Variants in DNAJC10 observed in about 807,000 individuals in gnomAD.
DNAJC10 encodes DnaJ heat shock protein family (Hsp40) member C10.
In DNAJC10, 101 loss-of-function variants were observed where a neutral mutation model predicts 115.0. The observed-to-expected ratio is 0.88, with a 90% CI of 0.75 to 1.04. DNAJC10 has a LOEUF of 1.04. Among genes scored for constraint, DNAJC10 ranks in the 50% least tolerant of loss-of-function variants. The pLI, the probability that DNAJC10 is intolerant of heterozygous loss-of-function variation, is 0.00. For synonymous variants in DNAJC10, 307 were observed against 301.5 expected (o/e 1.02, Z -0.19); for missense variants, 981 against 928.8 (o/e 1.06, Z -0.73).
intron 2 of DNAJC10, among the ~76,000 whole-genome samples, 199 bp downstream of exon 2, chr2:182,717,271 G>A (rs1356130076): frequency 2.0e-5 from 3 of 152,028 alleles, no homozygotes; most frequent in Non-Finnish European, 2.9e-5. Context: ...CTCTTTTTGT[G>A]TTTTGTTTCT....
At chr2:182,732,454 G>C in intron 9 of DNAJC10, 45 bp from the exon 10 acceptor site, 1 of 1,596,354 alleles carries the variant, frequency 6.3e-7, no homozygotes, top group African/African-American at 1.3e-5. Flanking sequence ...TTTTCATCAG[G>C]CTTAATAAAG....
intron 12 of DNAJC10, 94 bp downstream of exon 12, chr2:182,740,482 T>G (rs1426980982): frequency 4.7e-5 from 56 of 1,198,360 alleles, no homozygotes; most frequent in Non-Finnish European, 6.2e-5. Context: ...TATTCATCTC[T>G]AGAGAGAATT....
At chr2:182,754,724 G>A (rs745605890) in intron 16 of DNAJC10, 28 of 1,121,816 alleles carry the variant, frequency 2.5e-5, no homozygotes, top group Non-Finnish European at 3.1e-5. Context: ...GGGACCATTC[G>A]TATAATTACC....
At chr2:182,762,933 A>G in intron 22 of DNAJC10, 132 bp downstream of exon 22, 1 of 1,058,552 alleles carries the variant, frequency 9.4e-7, no homozygotes, top group East Asian at 2.9e-5. Context: ...TTACTGATAC[A>G]AGTTTTTAAA....
chr2:182,782,449 C>T lies in DNAJC10; in HGVS notation c.*5317C>T, dbSNP rs1694870782. ...AAATTTAAAGTAGTTTTTTCCAATT[C>T]TGTGAAGAAAGTCAATGGTAGCTTG... is the stretch of plus-strand genomic sequence containing the variant. On this transcript the variant is annotated 3_prime_UTR_variant, in exon 24 of 24. Transcript: ENST00000264065. The T allele has an allele frequency of 1.3e-5, 2 of 151,502 alleles. No individual in the cohort carries two copies. The highest frequency in any genetic ancestry group is 4.9e-5 in the African/African-American group (2 of 41,200). 9.4% of individuals were successfully genotyped at this position (151,502 alleles called of 1,614,324 possible). A position where few individuals can be genotyped will look rare whatever the true frequency, so the allele number is the denominator to read the frequency against.
rs1693791247 is a variant in DNAJC10, at chr2:182,743,595, T to C, written c.1192-3T>C. On this transcript the variant is annotated splice_polypyrimidine_tract_variant and splice_region_variant and intron_variant, in intron 13 of 23. Transcript: ENST00000264065. ...TATCAAATTTGACCTTTTTCTCCTT[T>C]AGGTTGGCAGGTTTGACTGTTCCTC... 6.2e-7 allele frequency: 1 copy of C among 1,605,406 alleles called. No individual in the cohort carries two copies. The highest frequency in any genetic ancestry group is 8.5e-7 in the Non-Finnish European group (1 of 1,172,898).
In DNAJC10 at chr2:182,791,233, C is replaced by G. The variant is rs1464947118; in HGVS notation, c.*14101C>G. 3 of 152,046 alleles carry G rather than the reference C, an allele frequency of 2.0e-5. No individual in the cohort carries two copies. 9.4% of individuals were successfully genotyped at this position (152,046 alleles called of 1,614,324 possible). A position where few individuals can be genotyped will look rare whatever the true frequency, so the allele number is the denominator to read the frequency against. ...ACTCTAGAGCTTAGTTTTCAGTCCT[C>G]CTGAATCATAACTAGTTGGCAACAA... is the stretch of plus-strand genomic sequence containing the variant. On this transcript the variant is annotated 3_prime_UTR_variant, in exon 24 of 24. Transcript: ENST00000264065.
At chr2:182,723,083 A>G (rs1693195760) in intron 5 of DNAJC10, among the ~76,000 whole-genome samples, 1 of 114,960 alleles carries the variant, frequency 8.7e-6, no homozygotes, top group African/African-American at 3.5e-5. Context: ...TTTGTCACCC[A>G]GACCAGTGTG....
intron 22 of DNAJC10, among the ~76,000 whole-genome samples, chr2:182,771,255 C>T (rs867271827): frequency 5.2e-4 from 79 of 150,840 alleles, no homozygotes; most frequent in African/African-American, 1.7e-3. Flanking sequence ...ATTTTCACAT[C>T]GATGTTCATC....
intron 9 of DNAJC10, among the ~76,000 whole-genome samples, chr2:182,731,339 T>C (rs568955817): frequency 5.3e-5 from 8 of 152,260 alleles, no homozygotes; most frequent in African/African-American, 1.9e-4. Flanking sequence ...GACCAGTTTT[T>C]CAGCTTAGAC....
chr2:182,742,492 A>G (rs894113854), intron 13 of DNAJC10, among the ~76,000 whole-genome samples: 1 of 152,096 alleles, frequency 6.6e-6, no homozygotes, highest in Admixed American at 6.5e-5. Flanking sequence ...ACCTGGCCAC[A>G]TGGGAAATTT....
At chr2:182,757,883 C>A in intron 19 of DNAJC10, 58 bp downstream of exon 19, 1 of 1,012,498 alleles carries the variant, frequency 9.9e-7, no homozygotes. Flanking sequence ...ATACACTTAA[C>A]AGTTAAGTTA....
At chr2:182,775,253 C>A in intron 22 of DNAJC10, 63 bp from the exon 23 acceptor site, 1 of 1,046,006 alleles carries the variant, frequency 9.6e-7, no homozygotes, top group Non-Finnish European at 1.4e-6. Context: ...AATCAAGTTT[C>A]TTAGGTGGAA....
At chr2:182,739,010 A>G (rs537333046) in intron 11 of DNAJC10, among the ~76,000 whole-genome samples, 64 of 152,066 alleles carry the variant, frequency 4.2e-4, no homozygotes, top group Middle Eastern at 6.8e-3. Context: ...GCAAGTTTAT[A>G]TAGGCTGTGT....
At chr2:182,773,357 T>C (rs1694617256) in intron 22 of DNAJC10, among the ~76,000 whole-genome samples, 1 of 152,172 alleles carries the variant, frequency 6.6e-6, no homozygotes, top group African/African-American at 2.4e-5. Context: ...TCTCTGTATT[T>C]CCTGAATTTG....
rs1694192517 is a variant in DNAJC10, at chr2:182,757,719, A to G, written c.1837A>G (p.Ser613Gly). The G allele has an allele frequency of 6.3e-7, 1 of 1,595,654 alleles. No individual in the cohort carries two copies. ...ATTAACTGGACTGATCAACGTGGGC[A>G]GTATAGATTGCCAACAGTATCATTC... ...RTLTGLINVG[S>G]IDCQQYHSFC... The change falls in exon 19 of 24, where the codon AGT becomes GGT. Residue 613 changes from serine (S) to glycine (G), a missense_variant. Physicochemically the swap from Ser to Gly is moderately conservative, Grantham distance 56 (BLOSUM62 0). Transcript: ENST00000264065.
At chr2:182,772,121 G>A (rs1287683018) in intron 22 of DNAJC10, among the ~76,000 whole-genome samples, 1 of 152,178 alleles carries the variant, frequency 6.6e-6, no homozygotes, top group Non-Finnish European at 1.5e-5. Context: ...TCCACTAGTT[G>A]TGTGGTTTTG....
At chr2:182,727,361 A>C (rs1558998805) in intron 5 of DNAJC10, among the ~76,000 whole-genome samples, 1 of 152,258 alleles carries the variant, frequency 6.6e-6, no homozygotes, top group South Asian at 2.1e-4. Flanking sequence ...ATATAAAAAT[A>C]ACTACCTCAT....
chr2:182,771,226 T>A (rs949601200), intron 22 of DNAJC10, among the ~76,000 whole-genome samples: 2 of 147,930 alleles, frequency 1.4e-5, no homozygotes, highest in Non-Finnish European at 3.0e-5. Context: ...TATTGAGGAT[T>A]TTCACATCAA....
Sources: gnomAD v4.1 joint callset for allele counts (sites outside exome capture counted in the v4.1 genomes callset) on GRCh38, gnomAD v4.1.1 for gene constraint, MANE v1.5 for transcripts, NCBI Gene and HGNC (gene_info 2026-07-23, HGNC 2026-07-21) for gene names.